DOCK6: variants seen among roughly 807,000 people sequenced by gnomAD.
DOCK6 encodes the protein dedicator of cytokinesis 6, also known as dedicator of cytokinesis protein 6.
DOCK6 carries 167 observed loss-of-function variants against 230.3 expected under a neutral mutation model. That is an observed-to-expected ratio of 0.73 (90% CI 0.64 to 0.82). The LOEUF (loss-of-function observed/expected upper bound fraction) is 0.82, where lower values mean the gene tolerates loss of function less well. Ranked by LOEUF, DOCK6 falls within the 40% of genes least tolerant of loss-of-function variation. The probability of loss-of-function intolerance (pLI) is 0.00; values close to 1 mark genes in which losing one functional copy is unlikely to be tolerated. For synonymous variants in DOCK6, 1,148 were observed against 1,185.0 expected (o/e 0.97, Z 0.64); for missense variants, 2,598 against 2,825.8 (o/e 0.92, Z 1.83).
In DOCK6 at chr19:11,200,414, A is replaced by C; in HGVS notation, c.5995T>G (p.Tyr1999Asp). ...TAGTTGCGCTCCAGCTCACGGTGGT[A>C]CTCCTTCTGGTCCGGCCCAATCAGG... ...KALIGPDQKE[Y>D]HRELERNYCR... Residue 1999 changes from tyrosine to aspartate, a missense_variant, in exon 47 of 48, where the codon TAC becomes GAC. Physicochemically the swap from Tyr to Asp is radical, Grantham distance 160. Transcript: ENST00000294618. The surrounding 1 kb of genome is among the most constrained non-coding windows in gnomAD (Gnocchi z 4.3). 6.2e-7 allele frequency: 1 copy of C among 1,609,772 alleles called. No homozygotes were observed. Among genetic ancestry groups the C allele is most frequent in the Non-Finnish European group, 8.5e-7 (1 of 1,178,390 alleles).
chr19:11,238,366 T>C (rs2079886142), intron 14 of DOCK6, 62 bp from the exon 15 acceptor site: 2 of 1,455,386 alleles, frequency 1.4e-6, no homozygotes, highest in African/African-American at 2.8e-5. Context: ...CATACAAGGC[T>C]GGGGTGATGG....
chr19:11,221,595 C>T (rs375838789), intron 28 of DOCK6: 7 of 517,124 alleles, frequency 1.4e-5, no homozygotes, highest in African/African-American at 7.6e-5. Flanking sequence ...CTGACAATAT[C>T]TCAGTACTAC....
chr19:11,239,960 G>T (rs1195432395), intron 14 of DOCK6: 10 of 1,562,144 alleles, frequency 6.4e-6, no homozygotes, highest in Non-Finnish European at 1.7e-6. Context: ...GCGACACTGT[G>T]GGGTGGCCAG....
At position 11,236,445 on chromosome 19, in the gene DOCK6, G is replaced by A. The variant is rs769669049; in HGVS notation, c.2293C>T (p.Arg765Cys). 9 of 1,590,776 alleles carry A rather than the reference G, an allele frequency of 5.7e-6. No individual in the cohort carries two copies. The highest frequency in any genetic ancestry group is 4.6e-5 in the East Asian group (2 of 43,644). Residue 765 changes from arginine to cysteine, a missense_variant, in exon 20 of 48, where the codon CGC becomes TGC. Arg to Cys is a radical substitution (Grantham distance 180). Transcript: ENST00000294618. The surrounding 1 kb of genome is among the most constrained non-coding windows in gnomAD (Gnocchi z 5.2). ...ACAAGGGGTTCGGGGCTGGCCAGGC[G>A]CAGTGCTGCAAGACTGGCCCGCAGC... ...QELRASLAAL[R>C]LASPEPLVAF...
In DOCK6 at chr19:11,216,998, C is replaced by A. The variant is rs751994530; in HGVS notation, c.3810G>T (p.Gln1270His). The change falls in exon 30 of 48, where the codon CAG (glutamine) becomes CAT (histidine). Residue 1270 changes from glutamine (Q) to histidine (H), a missense_variant. Gln to His is a conservative substitution (Grantham distance 24, BLOSUM62 0). Coordinates refer to ENST00000294618, the MANE Select transcript of DOCK6 (RefSeq NM_020812.4). ...GGAGTGTCAGGTCAGTGGCCCAGCG[C>A]TGCAGGAGCGCCGGCTCGGTGTTTT... is the stretch of plus-strand genomic sequence containing the variant. ...VLKNTEPALL[Q>H]RWATDLTLPQ... 1.2e-6 allele frequency: 2 copies of A among 1,613,694 alleles called. No homozygotes were observed. Among genetic ancestry groups the A allele is most frequent in the South Asian group, 2.2e-5 (2 of 91,084 alleles).
rs554050394 is a variant in DOCK6 at position 11,215,275 on chromosome 19, G to T, written c.4106+112C>A. The stretch of plus-strand genomic sequence containing the variant: ...GGCTAATTTTTAAATTTTTGGTAGA[G>T]AGGGTCTTACTATGTTGCCCAGGCT... On this transcript the variant is annotated intron_variant, in intron 32 of 47. Coordinates refer to ENST00000294618, the MANE Select transcript of DOCK6 (RefSeq NM_020812.4). 67 of 923,214 alleles carry T rather than the reference G, an allele frequency of 7.3e-5. No individual in the cohort carries two copies. In the South Asian group the frequency reaches 1.0e-3, roughly 14 times the overall value. 57.2% of individuals were successfully genotyped at this position (923,214 alleles called of 1,614,324 possible). A position where few individuals can be genotyped will look rare whatever the true frequency, so the allele number is the denominator to read the frequency against.
intron 22 of DOCK6, chr19:11,229,411 G>A (rs927881073): frequency 1.3e-4 from 131 of 1,043,670 alleles, no homozygotes; most frequent in Admixed American, 6.7e-4. Context: ...ATGTGATGGC[G>A]AGGAGAAGGT....
chr19:11,236,804 C>T lies in DOCK6; in HGVS notation c.2149G>A (p.Val717Met), dbSNP rs763349757. The T allele has an allele frequency of 1.9e-6, 3 of 1,553,500 alleles. No homozygotes were observed. The highest frequency in any genetic ancestry group is 2.6e-6 in the Non-Finnish European group (3 of 1,148,470). ...GGCCCACCCCGTACCTGGGGGTGCA[C>T]AGAGGACACGGCTGTGAGCTCCACA... ...FSVELTAVSSVHPQDPYLDKF... is the reference protein window; with the variant it reads ...FSVELTAVSSMHPQDPYLDKF... Residue 717 changes from valine to methionine, a missense_variant, in exon 19 of 48, where the codon GTG becomes ATG. Coordinates refer to ENST00000294618, the MANE Select transcript of DOCK6 (RefSeq NM_020812.4). This position sits in a 1 kb window ranked among gnomAD's most constrained non-coding sequence, Gnocchi z 5.2.
At chr19:11,253,839 C>A in intron 1 of DOCK6, 113 bp from the exon 2 acceptor site, 1 of 739,670 alleles carries the variant, frequency 1.4e-6, no homozygotes, top group Non-Finnish European at 2.2e-6. Context: ...AGGCCGAGGG[C>A]CAAGAGAACC....
intron 16 of DOCK6, 76 bp downstream of exon 16, chr19:11,237,969 C>T: frequency 6.5e-7 from 1 of 1,537,942 alleles, no homozygotes; most frequent in South Asian, 1.2e-5. Context: ...ATCGATGCTG[C>T]CTTATGTGTA....
chr19:11,242,955 T>G, intron 13 of DOCK6, 104 bp downstream of exon 13: 1 of 1,305,066 alleles, frequency 7.7e-7, no homozygotes, highest in Non-Finnish European at 1.1e-6. Flanking sequence ...ATCATGGTCA[T>G]CGTTGGGTCT....
At chr19:11,235,934 C>T (rs1478747883) in intron 20 of DOCK6, 175 bp from the exon 21 acceptor site, 1 of 825,156 alleles carries the variant, frequency 1.2e-6, no homozygotes, top group East Asian at 3.1e-5. Flanking sequence ...GGGCTGGAGT[C>T]CAGTGGCATG....
In DOCK6 at chr19:11,248,111, CGGG is replaced by C. The variant is rs1568260930; in HGVS notation, c.758_760del (p.Pro253del). On this transcript the variant is annotated inframe_deletion, in exon 7 of 48. Transcript: ENST00000294618. ...CAAGATCCTTTGTCCAAAGTGCTCG[CGGG>C]GTGGCTCTGGGCGGCTACAGCGTTC... 4 of 1,453,236 alleles carry C rather than the reference CGGG, an allele frequency of 2.8e-6. No homozygotes were observed. The highest frequency in any genetic ancestry group is 3.7e-6 in the Non-Finnish European group (4 of 1,080,698). The allele number at this position is 1,453,236 out of a possible 1,614,324, so 90.0% of individuals were successfully genotyped here.
At chr19:11,211,153 C>A (rs1206239129) in intron 37 of DOCK6, among the ~76,000 whole-genome samples, 1 of 151,496 alleles carries the variant, frequency 6.6e-6, no homozygotes, top group East Asian at 1.9e-4. Context: ...CCTTCACCCC[C>A]CTGCCCCACC....
At chr19:11,239,102 T>C (rs1307413693) in intron 14 of DOCK6, among the ~76,000 whole-genome samples, 1 of 152,088 alleles carries the variant, frequency 6.6e-6, no homozygotes, top group Non-Finnish European at 1.5e-5. Flanking sequence ...CGGAGTAAAA[T>C]GGCAGTCAGT....
In DOCK6 at chr19:11,202,456, C is replaced by A; in HGVS notation, c.5389G>T (p.Asp1797Tyr). 6.2e-7 allele frequency: 1 copy of A among 1,613,506 alleles called. No individual in the cohort carries two copies. The highest frequency in any genetic ancestry group is 8.5e-7 in the Non-Finnish European group (1 of 1,179,636). The change falls in exon 43 of 48, where the codon GAC becomes TAC. Residue 1797 changes from aspartate (D) to tyrosine (Y), a missense_variant. By Grantham distance (160) the Asp-to-Tyr change is radical. Coordinates refer to ENST00000294618, the MANE Select transcript of DOCK6 (RefSeq NM_020812.4). The surrounding 1 kb of genome is among the most constrained non-coding windows in gnomAD (Gnocchi z 5.3). ...EEFYTERFGD[D>Y]VVEIIKDSNP... ...GAGTCTTTGATAATCTCAACGACGT[C>A]GTCGCCAAATCTCTCCGTGTAGAAC...
chr19:11,208,845 T>C lies in DOCK6; in HGVS notation c.4945-16A>G. 1 of 1,608,698 alleles carries C rather than the reference T, an allele frequency of 6.2e-7. No individual in the cohort carries two copies. Among genetic ancestry groups the C allele is most frequent in the South Asian group, 1.1e-5 (1 of 91,014 alleles). On this transcript the variant is annotated splice_polypyrimidine_tract_variant and intron_variant, in intron 38 of 47. Coordinates refer to ENST00000294618, the MANE Select transcript of DOCK6 (RefSeq NM_020812.4). ...ATGAGATGTTCTGGGGTGGGAGAGG[T>C]GGCGTCAGACCCTGGTCCCCACTGC...
Position 11,201,047 on chromosome 19 carries a change from C to T in DOCK6, c.5694G>A (p.Val1898=). The stretch of plus-strand genomic sequence containing the variant: ...CGATGGCCACCTCCACTGGCGTCAG[C>T]ACCGTCTGTGGGGTAAGGGGAGGGG... ...RIRVCHREET[V]LTPVEVAIED... The change falls in exon 45 of 48, where the codon GTG becomes GTA. Residue 1898 remains valine, a synonymous_variant. Transcript: ENST00000294618. The surrounding 1 kb of genome is among the most constrained non-coding windows in gnomAD (Gnocchi z 4.3). 2 of 1,613,668 alleles carry T rather than the reference C, an allele frequency of 1.2e-6. No homozygotes were observed. The highest frequency in any genetic ancestry group is 1.7e-6 in the Non-Finnish European group (2 of 1,179,828).
intron 21 of DOCK6, 80 bp from the exon 22 acceptor site, chr19:11,233,446 T>C: frequency 6.7e-7 from 1 of 1,498,538 alleles, no homozygotes; most frequent in Admixed American, 2.1e-5. Flanking sequence ...AGCTAATCTC[T>C]GCAAAATCAC....
Sources: gnomAD v4.1 joint callset for allele counts (sites outside exome capture counted in the v4.1 genomes callset) on GRCh38, gnomAD v4.1.1 for gene constraint, Gnocchi (gnomAD v3.1) non-coding constraint, MANE v1.5 for transcripts, NCBI Gene and HGNC (gene_info 2026-07-23, HGNC 2026-07-21) for gene names.